The following PAFAH1B1 variants were observed in gnomAD, a reference collection of about 807,000 sequenced individuals.
The protein encoded by PAFAH1B1 is platelet-activating factor acetylhydrolase IB subunit beta.
In PAFAH1B1, 2 loss-of-function variants were observed where a neutral mutation model predicts 57.5. The ratio of observed to expected loss-of-function variants is 0.03; its 90% CI spans 0.01 to 0.11. PAFAH1B1 has a LOEUF of 0.11. Ranked by LOEUF, PAFAH1B1 falls within the 10% of genes least tolerant of loss-of-function variation. The pLI, the probability that PAFAH1B1 is intolerant of heterozygous loss-of-function variation, is 1.00. For missense variants in PAFAH1B1, 257 were observed against 512.0 expected, an observed-to-expected ratio of 0.50 and a Z score of 4.81; for synonymous variants, 152 against 169.6, an observed-to-expected ratio of 0.90 and a Z score of 0.81.
At chr17:2,606,200 T>C (rs1205133134) in intron 1 of PAFAH1B1, among the ~76,000 whole-genome samples, 1 of 152,168 alleles carries the variant, frequency 6.6e-6, no homozygotes, top group Admixed American at 6.6e-5. Flanking sequence ...CAGATTGATA[T>C]ATGAATCTTA....
rs745785490 is a variant in PAFAH1B1 at position 2,680,213 on chromosome 17, A to T, written c.1052A>T (p.Lys351Met). ...VRGVLFHSGG[K>M]FILSCADDKT... ...GGAGTTCTGTTCCATTCTGGGGGGA[A>T]GTTTATTTTGAGTTGTGCTGATGAC... The change falls in exon 10 of 11, where the codon AAG becomes ATG. Residue 351 changes from lysine (K) to methionine (M), a missense_variant. Coordinates refer to ENST00000397195, the MANE Select transcript of PAFAH1B1 (RefSeq NM_000430.4). The T allele has an allele frequency of 7.4e-6, 12 of 1,613,946 alleles. No homozygotes were observed. Among genetic ancestry groups the T allele is most frequent in the East Asian group, 2.2e-5 (1 of 44,896 alleles).
chr17:2,628,140 A>G (rs1027497919), intron 1 of PAFAH1B1, among the ~76,000 whole-genome samples: 1 of 152,168 alleles, frequency 6.6e-6, no homozygotes, highest in African/African-American at 2.4e-5. Flanking sequence ...GAGAGTGGGC[A>G]TCCTTGTCTT....
At chr17:2,681,178 T>G (rs1048213355) in intron 10 of PAFAH1B1, 3 of 152,624 alleles carry the variant, frequency 2.0e-5, no homozygotes, top group Non-Finnish European at 4.4e-5. Flanking sequence ...AGTAGTGGGA[T>G]CGCACCTTTG....
At chr17:2,621,040 G>C (rs1202280592) in intron 1 of PAFAH1B1, among the ~76,000 whole-genome samples, 1 of 151,988 alleles carries the variant, frequency 6.6e-6, no homozygotes, top group Admixed American at 6.6e-5. Context: ...GAAAACAAGA[G>C]TATATCTGTG....
chr17:2,609,914 T>A (rs2068248053), intron 1 of PAFAH1B1, among the ~76,000 whole-genome samples: 1 of 152,204 alleles, frequency 6.6e-6, no homozygotes, highest in South Asian at 2.1e-4. Flanking sequence ...AGCCTTTGCC[T>A]CCTGGGTTCA....
At chr17:2,652,261 AAAAATTG>A in intron 2 of PAFAH1B1, among the ~76,000 whole-genome samples, 2 of 152,020 alleles carry the variant, frequency 1.3e-5, no homozygotes, top group African/African-American at 4.8e-5. Context: ...ATACAAAAAA[AAAAATTG>A]GCCGGGCGTG....
At chr17:2,650,137 C>T (rs753838875) in intron 2 of PAFAH1B1, among the ~76,000 whole-genome samples, 13 of 152,146 alleles carry the variant, frequency 8.5e-5, no homozygotes, top group African/African-American at 2.9e-4. Context: ...GGAATCCCTG[C>T]GCTTTGGGAG....
intron 1 of PAFAH1B1, among the ~76,000 whole-genome samples, chr17:2,611,790 C>T (rs754000508): frequency 5.3e-5 from 8 of 152,080 alleles, no homozygotes; most frequent in East Asian, 3.8e-4. Context: ...TGAGTTTGGT[C>T]GGGACACAAT....
At chr17:2,652,435 C>G (rs1228676874) in intron 2 of PAFAH1B1, among the ~76,000 whole-genome samples, 1 of 151,968 alleles carries the variant, frequency 6.6e-6, no homozygotes, top group Non-Finnish European at 1.5e-5. Context: ...AAACAAAAAC[C>G]AAAAACATTT....
intron 1 of PAFAH1B1, among the ~76,000 whole-genome samples, chr17:2,599,462 G>T (rs1336255951): frequency 1.3e-5 from 2 of 152,108 alleles, no homozygotes; most frequent in African/African-American, 4.8e-5. Flanking sequence ...TGACTGCTTT[G>T]CATGCATAAG....
chr17:2,623,666 C>A (rs779703856), intron 1 of PAFAH1B1, among the ~76,000 whole-genome samples: 3 of 148,870 alleles, frequency 2.0e-5, no homozygotes, highest in East Asian at 2.0e-4. Flanking sequence ...CTTGCTCTGT[C>A]GCCCAGGCTG....
In PAFAH1B1 at chr17:2,683,952, C is replaced by G. The variant is rs1186078487; in HGVS notation, c.*2150C>G. On this transcript the variant is annotated 3_prime_UTR_variant, in exon 11 of 11. Coordinates refer to ENST00000397195, the MANE Select transcript of PAFAH1B1 (RefSeq NM_000430.4). ...AGGGTAAGCCACAACATCTAGAAATCACTCATAGATATTGAACAATAAAGG... is the reference window on the plus strand; with the variant it reads ...AGGGTAAGCCACAACATCTAGAAATGACTCATAGATATTGAACAATAAAGG... 2 of 152,608 alleles carry G rather than the reference C, an allele frequency of 1.3e-5. No homozygotes were observed. The highest frequency in any genetic ancestry group is 2.9e-5 in the Non-Finnish European group (2 of 68,034). The allele number at this position is 152,608 out of a possible 1,614,324, so 9.5% of individuals were successfully genotyped here. A position where few individuals can be genotyped will look rare whatever the true frequency, so the allele number is the denominator to read the frequency against.
chr17:2,602,795 T>C (rs2151609443), intron 1 of PAFAH1B1, among the ~76,000 whole-genome samples: 1 of 152,350 alleles, frequency 6.6e-6, no homozygotes, highest in African/African-American at 2.4e-5. Flanking sequence ...TTTAAGTGCT[T>C]TACAAGTATT....
intron 2 of PAFAH1B1, among the ~76,000 whole-genome samples, chr17:2,644,119 G>A (rs2071178441): frequency 6.7e-6 from 1 of 149,332 alleles, no homozygotes; most frequent in South Asian, 2.1e-4. Flanking sequence ...CAAGCCTCCC[G>A]AGTTGCTGGG....
chr17:2,676,512 A>G lies in PAFAH1B1; in HGVS notation c.908A>G (p.Lys303Arg). The G allele has an allele frequency of 6.2e-7, 1 of 1,607,844 alleles. No individual in the cohort carries two copies. The highest frequency in any genetic ancestry group is 8.5e-7 in the Non-Finnish European group (1 of 1,174,862). ...ISEATGSETK[K>R]SGKPGPFLLS... ...TTATTATGTTTTCTGTAGACTAAAA[A>G]AAGTGGTAAACCTGGGCCATTCTTG... Residue 303 changes from lysine (K) to arginine (R), a missense_variant, in exon 9 of 11, where the codon AAA (lysine) becomes AGA (arginine). Lys to Arg is a conservative substitution (Grantham distance 26). Coordinates refer to ENST00000397195, the MANE Select transcript of PAFAH1B1 (RefSeq NM_000430.4).
chr17:2,677,899 C>T (rs568327547), intron 9 of PAFAH1B1, among the ~76,000 whole-genome samples: 2 of 151,988 alleles, frequency 1.3e-5, no homozygotes, highest in Non-Finnish European at 2.9e-5. Context: ...AAACTCTCCT[C>T]TAGTAGTATT....
At chr17:2,645,637 G>A (rs1051998988) in intron 2 of PAFAH1B1, among the ~76,000 whole-genome samples, 3 of 145,580 alleles carry the variant, frequency 2.1e-5, no homozygotes, top group African/African-American at 5.0e-5. Context: ...TTTGTTAGAC[G>A]GAGTCTCGCT....
intron 9 of PAFAH1B1, among the ~76,000 whole-genome samples, chr17:2,678,144 G>A (rs2069301446): frequency 1.3e-5 from 2 of 152,060 alleles, no homozygotes; most frequent in Admixed American, 6.6e-5. Context: ...GCTCACGCCT[G>A]TAATCCCAGC....
chr17:2,619,129 T>C (rs1353764939), intron 1 of PAFAH1B1, among the ~76,000 whole-genome samples: 7 of 151,968 alleles, frequency 4.6e-5, no homozygotes, highest in Non-Finnish European at 1.0e-4. Context: ...TTGCTTGTTT[T>C]GTTTTTTGTT....
Sources: allele counts gnomAD v4.1 joint callset (sites outside exome capture counted in the v4.1 genomes callset), GRCh38; gene constraint gnomAD v4.1.1; transcripts MANE v1.5; gene names NCBI Gene and HGNC (gene_info 2026-07-23, HGNC 2026-07-21).